The following ZFHX3 variants were observed in gnomAD, a reference collection of about 807,000 sequenced individuals.
ZFHX3 encodes the protein zinc finger homeobox 3.
A neutral mutation model predicts 279.1 loss-of-function variants in ZFHX3; 42 were observed. The ratio of observed to expected loss-of-function variants is 0.15; its 90% CI spans 0.12 to 0.19. The LOEUF is 0.19. Ranked by LOEUF, ZFHX3 falls within the 10% of genes least tolerant of loss-of-function variation. The pLI is 1.00. For synonymous variants in ZFHX3, 2,293 were observed against 1,957.8 expected, an observed-to-expected ratio of 1.17 and a Z score of -4.52; for missense variants, 4,981 against 4,754.0, an observed-to-expected ratio of 1.05 and a Z score of -1.40.
Position 72,783,905 on chromosome 16 carries a change from G to C in ZFHX3, c.*3259C>G, listed in dbSNP as rs957092862. 1 of 152,268 alleles carries C rather than the reference G, an allele frequency of 6.6e-6. No individual in the cohort carries two copies. Among genetic ancestry groups the C allele is most frequent in the African/African-American group, 2.4e-5 (1 of 41,470 alleles). The allele number at this position is 152,268 out of a possible 1,614,324, so 9.4% of individuals were successfully genotyped here. On this transcript the variant is annotated 3_prime_UTR_variant, in exon 10 of 10. Transcript: ENST00000268489. ...TGCTTTGTAAATAGTACTGGTCATA[G>C]CCACGATGGCTGTCAGCCCACAAAC... is the stretch of plus-strand genomic sequence containing the variant.
chr16:72,852,730 T>C lies in ZFHX3; in HGVS notation c.3449-22871A>G, dbSNP rs60474891. On this transcript the variant is annotated intron_variant, in intron 4 of 9. Coordinates refer to ENST00000268489, the MANE Select transcript of ZFHX3 (RefSeq NM_006885.4). Reference sequence around the variant, plus strand: ...AGAGGGAGAGGGGCTACTTCTGTTCTCTGTAATGTTGAATGCTCAAGAGTG... The same window carrying C: ...AGAGGGAGAGGGGCTACTTCTGTTCCCTGTAATGTTGAATGCTCAAGAGTG... 5.6e-3 allele frequency among the ~76,000 whole-genome samples: 856 copies of C among 152,352 alleles called. 12 individuals carry two copies. The highest frequency in any genetic ancestry group is 0.043 in the East Asian group (222 of 5,188).
intron 1 of ZFHX3, among the ~76,000 whole-genome samples, chr16:73,824,413 T>TA (rs1960839083): frequency 6.9e-6 from 1 of 145,972 alleles, no homozygotes; most frequent in Admixed American, 6.7e-5. Flanking sequence ...TTTTTTTTTT[T>TA]ATTATACTTT....
chr16:73,674,609 C>T (rs567287507), intron 2 of ZFHX3, among the ~76,000 whole-genome samples: 49 of 152,296 alleles, frequency 3.2e-4, no homozygotes, highest in African/African-American at 1.2e-3. Context: ...TGCAATAGGA[C>T]ATGACAGTTT....
In ZFHX3 at chr16:73,800,673, G is replaced by C. The variant is rs372308124; in HGVS notation, c.-1608+90978C>G. On this transcript the variant is annotated intron_variant, in intron 1 of 17. Coordinates refer to the ZFHX3 transcript ENST00000641206. ...GCTCCTCCAAGACCACAGCCCCTGG[G>C]GCTTTCTCAATTGGTTTCTGAGTCT... Among the ~76,000 whole-genome samples, 3 of 152,140 alleles carry C rather than the reference G, an allele frequency of 2.0e-5. No individual in the cohort carries two copies. The East Asian group carries it at 5.8e-4, about 29-fold the overall frequency.
intron 1 of ZFHX3, among the ~76,000 whole-genome samples, chr16:73,758,207 A>G (rs1355376751): frequency 6.6e-6 from 1 of 151,526 alleles, no homozygotes; most frequent in Non-Finnish European, 1.5e-5. Flanking sequence ...GAGATTTCTA[A>G]TGGTGGGAAC....
intron 3 of ZFHX3, among the ~76,000 whole-genome samples, chr16:73,376,482 T>G (rs912619281): frequency 6.6e-6 from 1 of 152,218 alleles, no homozygotes; most frequent in African/African-American, 2.4e-5. Context: ...TCATTTCATT[T>G]TCATGAAAGG....
At chr16:72,978,788 G>A (rs1198432730) in intron 1 of ZFHX3, among the ~76,000 whole-genome samples, 1 of 152,136 alleles carries the variant, frequency 6.6e-6, no homozygotes, top group African/African-American at 2.4e-5. Flanking sequence ...AAGAAAAGGG[G>A]AGGCCACTAT....
At chr16:72,930,847 A>AT (rs1362529560) in intron 3 of ZFHX3, among the ~76,000 whole-genome samples, 2 of 152,222 alleles carry the variant, frequency 1.3e-5, no homozygotes. Context: ...CAGTCATAAA[A>AT]TGTAAAATGT....
At chr16:73,310,815 G>A (rs2015306584) in intron 4 of ZFHX3, among the ~76,000 whole-genome samples, 1 of 151,948 alleles carries the variant, frequency 6.6e-6, no homozygotes. Context: ...TTGCAGTCAT[G>A]TTTTCAATTA....
chr16:73,322,653 G>A (rs571714699), intron 3 of ZFHX3, among the ~76,000 whole-genome samples: 1 of 152,298 alleles, frequency 6.6e-6, no homozygotes, highest in African/African-American at 2.4e-5. Flanking sequence ...AATGTGTGGT[G>A]AGAGCTATGC....
At chr16:73,580,774 T>A (rs1210193359) in intron 2 of ZFHX3, among the ~76,000 whole-genome samples, 1 of 151,820 alleles carries the variant, frequency 6.6e-6, no homozygotes, top group East Asian at 1.9e-4. Context: ...CTTAATGTAT[T>A]TCCACTCCTT....
At chr16:73,664,148 C>T (rs2052812039) in intron 2 of ZFHX3, among the ~76,000 whole-genome samples, 1 of 152,092 alleles carries the variant, frequency 6.6e-6, no homozygotes, top group South Asian at 2.1e-4. Flanking sequence ...GTCAGTTTTC[C>T]AAACTGAACC....
intron 2 of ZFHX3, among the ~76,000 whole-genome samples, chr16:73,512,739 A>G (rs574939517): frequency 3.6e-4 from 55 of 152,120 alleles, no homozygotes; most frequent in African/African-American, 1.3e-3. Flanking sequence ...AGGCAAGAGA[A>G]GAAGAACTGC....
intron 5 of ZFHX3, among the ~76,000 whole-genome samples, chr16:73,177,145 C>T (rs1177097280): frequency 6.7e-6 from 1 of 150,326 alleles, no homozygotes; most frequent in Non-Finnish European, 1.5e-5. Flanking sequence ...CAGAGCAAGA[C>T]TCCGTCTCAA....
At chr16:73,398,653 C>T (rs575276346) in intron 3 of ZFHX3, among the ~76,000 whole-genome samples, 1 of 152,212 alleles carries the variant, frequency 6.6e-6, no homozygotes, top group African/African-American at 2.4e-5. Flanking sequence ...CTGGTCCCCA[C>T]ATAATTTGTG....
intron 1 of ZFHX3, among the ~76,000 whole-genome samples, chr16:73,799,357 A>C (rs981864777): frequency 2.6e-5 from 4 of 152,246 alleles, no homozygotes; most frequent in African/African-American, 7.2e-5. Context: ...GTGAATTCCC[A>C]AGTAGGCCCA....
At chr16:73,871,377 T>C (rs1962158757) in intron 1 of ZFHX3, among the ~76,000 whole-genome samples, 1 of 152,180 alleles carries the variant, frequency 6.6e-6, no homozygotes, top group Admixed American at 6.5e-5. Context: ...CTTGCTCTAA[T>C]GTCTTGTGAG....
intron 1 of ZFHX3, among the ~76,000 whole-genome samples, chr16:73,817,800 C>G (rs982652612): frequency 1.3e-5 from 2 of 152,150 alleles, no homozygotes; most frequent in African/African-American, 4.8e-5. Flanking sequence ...GCTTAGTTCA[C>G]CTCGCTCTTA....
In ZFHX3 at chr16:73,546,662, GTGCTGCTGTTGCTGCTGCTGCTGCTGC is replaced by G. The variant is rs1412420711; in HGVS notation, c.-1546-90431_-1546-90405del. ...GCCATGGTGTGAGAAAAAGCTTTGG[GTGCTGCTGTTGCTGCTGCTGCTGCTGC>G]TGCTGCTGCTGCTGCTGCTGCTGCT... is the stretch of plus-strand genomic sequence containing the variant. On this transcript the variant is annotated intron_variant, in intron 2 of 17. Transcript: ENST00000641206. Among the ~76,000 whole-genome samples the G allele has an allele frequency of 3.3e-4, 48 of 145,454 alleles. No homozygotes were observed. The East Asian group carries it at 3.3e-3, about 10-fold the overall frequency.
Sources: gnomAD v4.1 joint callset for allele counts (sites outside exome capture counted in the v4.1 genomes callset) on GRCh38, gnomAD v4.1.1 for gene constraint, MANE v1.5 for transcripts, NCBI Gene and HGNC (gene_info 2026-07-23, HGNC 2026-07-21) for gene names.